The following B3GALT1 variants were observed in gnomAD, a reference collection of about 807,000 sequenced individuals.
The protein encoded by B3GALT1 is UDP-Gal:betaGlcNAc beta 1,3-galactosyltransferase, polypeptide 1.
B3GALT1 carries 10 observed loss-of-function variants against 23.2 expected under a neutral mutation model. That is an observed-to-expected ratio of 0.43 (90% CI 0.27 to 0.73). The LOEUF (loss-of-function observed/expected upper bound fraction) is 0.73, where lower values mean the gene tolerates loss of function less well. Ranked by LOEUF, B3GALT1 falls within the 30% of genes least tolerant of loss-of-function variation. The probability of loss-of-function intolerance (pLI) is 0.21; values close to 1 mark genes in which losing one functional copy is unlikely to be tolerated. For missense variants in B3GALT1, 299 were observed against 405.4 expected (o/e 0.74, Z 2.25); for synonymous variants, 156 against 141.5 (o/e 1.10, Z -0.73).
chr2:167,597,132 T>A (rs1684787760), intron 2 of B3GALT1, among the ~76,000 whole-genome samples: 1 of 148,420 alleles, frequency 6.7e-6, no homozygotes, highest in Admixed American at 6.6e-5. Flanking sequence ...TTTTTTTTTT[T>A]TTAGATAGAG....
At chr2:167,502,856 T>C (rs1166112020) in intron 2 of B3GALT1, among the ~76,000 whole-genome samples, 1 of 152,086 alleles carries the variant, frequency 6.6e-6, no homozygotes, top group Non-Finnish European at 1.5e-5. Context: ...CTAGCCAACA[T>C]GGTGAAACCC....
intron 2 of B3GALT1, among the ~76,000 whole-genome samples, chr2:167,524,859 C>T (rs1325886834): frequency 3.3e-5 from 5 of 152,108 alleles, no homozygotes; most frequent in Non-Finnish European, 4.4e-5. Flanking sequence ...GTTTTAGAGA[C>T]GTTTTCATAT....
chr2:167,431,514 T>C (rs1281778951), intron 1 of B3GALT1, among the ~76,000 whole-genome samples: 1 of 152,228 alleles, frequency 6.6e-6, no homozygotes, highest in African/African-American at 2.4e-5. Context: ...TGGAAAAATA[T>C]CTCCCCCAAA....
At chr2:167,394,362 T>C (rs1698062434) in intron 1 of B3GALT1, among the ~76,000 whole-genome samples, 1 of 152,196 alleles carries the variant, frequency 6.6e-6, no homozygotes, top group Non-Finnish European at 1.5e-5. Flanking sequence ...AAGTAATCAT[T>C]GCATTTAACT....
chr2:167,568,098 A>G (rs1419220576), intron 2 of B3GALT1, among the ~76,000 whole-genome samples: 2 of 152,136 alleles, frequency 1.3e-5, no homozygotes, highest in African/African-American at 4.8e-5. Flanking sequence ...ATAGTCCATT[A>G]TCTGGTTGTA....
chr2:167,346,884 T>C (rs1697230672), intron 1 of B3GALT1, among the ~76,000 whole-genome samples: 1 of 152,094 alleles, frequency 6.6e-6, no homozygotes, highest in Non-Finnish European at 1.5e-5. Flanking sequence ...TACACACTGC[T>C]CAAAACTATC....
chr2:167,387,516 G>T (rs1697947392), intron 1 of B3GALT1, among the ~76,000 whole-genome samples: 1 of 152,098 alleles, frequency 6.6e-6, no homozygotes, highest in Non-Finnish European at 1.5e-5. Flanking sequence ...AATTACAAAG[G>T]GAAATGATGG....
intron 1 of B3GALT1, among the ~76,000 whole-genome samples, chr2:167,426,217 C>T (rs1698621963): frequency 6.6e-6 from 1 of 151,498 alleles, no homozygotes; most frequent in East Asian, 1.9e-4. Context: ...AGTTCATTGG[C>T]TCACTGGAGT....
At chr2:167,462,398 CA>C (rs1401376786) in intron 1 of B3GALT1, among the ~76,000 whole-genome samples, 2 of 152,112 alleles carry the variant, frequency 1.3e-5, no homozygotes, top group Admixed American at 1.3e-4. Context: ...ACTGCTGACT[CA>C]AAATTTATGA....
chr2:167,298,340 C>T (rs774323075), intron 1 of B3GALT1, among the ~76,000 whole-genome samples: 7 of 152,056 alleles, frequency 4.6e-5, no homozygotes, highest in Non-Finnish European at 8.8e-5. Flanking sequence ...GCCAGTTGCT[C>T]ATTAAACAGT....
At chr2:167,298,511 A>T (rs1696392160) in intron 1 of B3GALT1, among the ~76,000 whole-genome samples, 1 of 152,132 alleles carries the variant, frequency 6.6e-6, no homozygotes, top group Non-Finnish European at 1.5e-5. Flanking sequence ...AAGATTTATA[A>T]GGCTGGACGT....
At chr2:167,459,710 A>G (rs1050789288) in intron 1 of B3GALT1, among the ~76,000 whole-genome samples, 5 of 152,088 alleles carry the variant, frequency 3.3e-5, no homozygotes, top group African/African-American at 9.7e-5. Context: ...ATTTTTTCAT[A>G]TGGCTTCAAG....
intron 1 of B3GALT1, among the ~76,000 whole-genome samples, chr2:167,387,527 T>C (rs1697947544): frequency 6.6e-6 from 1 of 152,224 alleles, no homozygotes; most frequent in African/African-American, 2.4e-5. Flanking sequence ...GAAATGATGG[T>C]AAAGAAAACT....
chr2:167,470,038 C>T (rs1574092863), intron 1 of B3GALT1, among the ~76,000 whole-genome samples: 1 of 152,178 alleles, frequency 6.6e-6, no homozygotes, highest in East Asian at 1.9e-4. Context: ...CAATAATAAA[C>T]TCTCATCACA....
Position 167,870,175 on chromosome 2 carries a change from A to G in B3GALT1, c.*155A>G, listed in dbSNP as rs898326739. On this transcript the variant is annotated 3_prime_UTR_variant, in exon 5 of 5. Coordinates refer to ENST00000392690, the MANE Select transcript of B3GALT1 (RefSeq NM_020981.4). Reference sequence around the variant, plus strand: ...AGTTCTTTTCTTGGATTACCAATTTATGAATGTTAGACTCTGGTCATAGAA... The same window carrying G: ...AGTTCTTTTCTTGGATTACCAATTTGTGAATGTTAGACTCTGGTCATAGAA... The G allele has an allele frequency of 3.3e-5, 24 of 730,786 alleles. No individual in the cohort carries two copies. The African/African-American group carries it at 4.1e-4, about 12-fold the overall frequency. 45.3% of individuals were successfully genotyped at this position (730,786 alleles called of 1,614,324 possible). A position where few individuals can be genotyped will look rare whatever the true frequency, so the allele number is the denominator to read the frequency against.
In B3GALT1 at chr2:167,682,531, G is replaced by A. The variant is rs533276479; in HGVS notation, c.-352+35565G>A. 4.6e-5 allele frequency among the ~76,000 whole-genome samples: 7 copies of A among 152,252 alleles called. No homozygotes were observed. The East Asian group carries it at 9.7e-4, about 21-fold the overall frequency. ...TAAAAGTCTTCAATGACCTATTACT[G>A]CAGCAGATTCTCAAACTTGAATATG... is the stretch of plus-strand genomic sequence containing the variant. On this transcript the variant is annotated intron_variant, in intron 3 of 4. Transcript: ENST00000392690.
intron 3 of B3GALT1, among the ~76,000 whole-genome samples, chr2:167,744,936 A>T (rs1183187613): frequency 6.6e-6 from 1 of 152,136 alleles, no homozygotes; most frequent in African/African-American, 2.4e-5. Flanking sequence ...TTTTATATTC[A>T]ATCAAATAAT....
chr2:167,560,519 TAA>T (rs1219329168), intron 2 of B3GALT1, among the ~76,000 whole-genome samples: 1 of 152,180 alleles, frequency 6.6e-6, no homozygotes, highest in African/African-American at 2.4e-5. Context: ...GCAAATTGAA[TAA>T]AGAGTCAAGA....
chr2:167,317,941 A>G (rs1696744412), intron 1 of B3GALT1, among the ~76,000 whole-genome samples: 1 of 152,160 alleles, frequency 6.6e-6, no homozygotes, highest in Non-Finnish European at 1.5e-5. Flanking sequence ...TTCTGTGAGT[A>G]TACCCAAGAT....
Sources: gnomAD v4.1 joint callset for allele counts (sites outside exome capture counted in the v4.1 genomes callset) on GRCh38, gnomAD v4.1.1 for gene constraint, MANE v1.5 for transcripts, NCBI Gene and HGNC (gene_info 2026-07-23, HGNC 2026-07-21) for gene names.